The following ANKRD52 variants were observed in gnomAD, a reference collection of about 807,000 sequenced individuals.
ANKRD52 encodes the protein ankyrin repeat domain 52.
Under a neutral mutation model 116.0 loss-of-function variants are expected in ANKRD52, and 7 were observed. The observed-to-expected ratio is 0.06, with a 90% CI of 0.03 to 0.11. ANKRD52 has a LOEUF of 0.11. Among genes scored for constraint, ANKRD52 ranks in the 10% least tolerant of loss-of-function variants. The probability of loss-of-function intolerance (pLI) is 1.00; values close to 1 mark genes in which losing one functional copy is unlikely to be tolerated. For missense variants in ANKRD52, 839 were observed against 1,408.6 expected, an observed-to-expected ratio of 0.60 and a Z score of 6.47; for synonymous variants, 528 against 578.1, an observed-to-expected ratio of 0.91 and a Z score of 1.24.
chr12:56,243,709 G>T lies in ANKRD52; in HGVS notation c.2980+76C>A. On this transcript the variant is annotated intron_variant, in intron 27 of 27. Coordinates refer to ENST00000267116, the MANE Select transcript of ANKRD52 (RefSeq NM_173595.4). The surrounding 1 kb of genome is among the most constrained non-coding windows in gnomAD (Gnocchi z 4.6). ...GGGAAGAAAATCCCATGTATAGCAA[G>T]ATTAAGAAGTCACCTCCTGAAGAAT... is the stretch of plus-strand genomic sequence containing the variant. The T allele has an allele frequency of 7.1e-7, 1 of 1,416,234 alleles. No individual in the cohort carries two copies. Among genetic ancestry groups the T allele is most frequent in the Non-Finnish European group, 9.7e-7 (1 of 1,029,502 alleles). The allele number at this position is 1,416,234 out of a possible 1,614,324, so 87.7% of individuals were successfully genotyped here. A position where few individuals can be genotyped will look rare whatever the true frequency, so the allele number is the denominator to read the frequency against.
chr12:56,255,728 T>C lies in ANKRD52; in HGVS notation c.462+56A>G. On this transcript the variant is annotated intron_variant, in intron 5 of 27. Coordinates refer to ENST00000267116, the MANE Select transcript of ANKRD52 (RefSeq NM_173595.4). This position sits in a 1 kb window ranked among gnomAD's most constrained non-coding sequence, Gnocchi z 4.3. ...GGGCCCAGAAGCAGGGAAACGTGAG[T>C]AGGAAGGTAAGAAAAGGGAAAGCCC... is the stretch of plus-strand genomic sequence containing the variant. 1 of 1,489,308 alleles carries C rather than the reference T, an allele frequency of 6.7e-7. No homozygotes were observed. The highest frequency in any genetic ancestry group is 9.1e-7 in the Non-Finnish European group (1 of 1,098,044). The allele number at this position is 1,489,308 out of a possible 1,614,324, so 92.3% of individuals were successfully genotyped here. A position where few individuals can be genotyped will look rare whatever the true frequency, so the allele number is the denominator to read the frequency against.
intron 4 of ANKRD52, 113 bp from the exon 5 acceptor site, chr12:56,256,097 CTCT>C: frequency 9.1e-7 from 1 of 1,099,376 alleles, no homozygotes. Context: ...AGCACAGAAT[CTCT>C]TCTCATTTTT....
At chr12:56,250,734 T>TA (rs60547094) in intron 15 of ANKRD52, among the ~76,000 whole-genome samples, 6,438 of 119,984 alleles carry the variant, frequency 0.054, 189 homozygotes, top group Non-Finnish European at 0.079. Flanking sequence ...ATAAATTAAT[T>TA]AAAAAAAAAA....
In ANKRD52 at chr12:56,242,737, G is replaced by A. The variant is rs952237886; in HGVS notation, c.*405C>T. ...CGGCCGAGCAGGGAGGCAGTGATGG[G>A]TATGGAAGAAGAGGGGATCTGCCTG... On this transcript the variant is annotated 3_prime_UTR_variant, in exon 28 of 28. Coordinates refer to ENST00000267116, the MANE Select transcript of ANKRD52 (RefSeq NM_173595.4). The surrounding 1 kb of genome is among the most constrained non-coding windows in gnomAD (Gnocchi z 4.3). 13 of 213,694 alleles carry A rather than the reference G, an allele frequency of 6.1e-5. No individual in the cohort carries two copies. Among genetic ancestry groups the A allele is most frequent in the African/African-American group, 3.0e-4 (13 of 43,814 alleles). 13.2% of individuals were successfully genotyped at this position (213,694 alleles called of 1,614,324 possible).
chr12:56,242,787 G>T lies in ANKRD52; in HGVS notation c.*355C>A. The T allele has an allele frequency of 7.3e-6, 2 of 272,616 alleles. No individual in the cohort carries two copies. Among genetic ancestry groups the T allele is most frequent in the Non-Finnish European group, 1.4e-5 (2 of 142,758 alleles). The allele number at this position is 272,616 out of a possible 1,614,324, so 16.9% of individuals were successfully genotyped here. A position where few individuals can be genotyped will look rare whatever the true frequency, so the allele number is the denominator to read the frequency against. On this transcript the variant is annotated 3_prime_UTR_variant, in exon 28 of 28. Coordinates refer to ENST00000267116, the MANE Select transcript of ANKRD52 (RefSeq NM_173595.4). The surrounding 1 kb of genome is among the most constrained non-coding windows in gnomAD (Gnocchi z 4.3). ...GGCAGTAGGGGCAGGGGAGAAGGGGGACACAGAGAGGAGTCCCCAGGGAAG... is the reference window on the plus strand; with the variant it reads ...GGCAGTAGGGGCAGGGGAGAAGGGGTACACAGAGAGGAGTCCCCAGGGAAG...
chr12:56,258,177 C>T, intron 1 of ANKRD52, 66 bp downstream of exon 1: 1 of 1,568,686 alleles, frequency 6.4e-7, no homozygotes, highest in Admixed American at 1.9e-5. Flanking sequence ...CCGCACATCC[C>T]CGGGCTCGCG....
chr12:56,256,264 C>T (rs1871947735), intron 4 of ANKRD52, among the ~76,000 whole-genome samples: 3 of 152,218 alleles, frequency 2.0e-5, no homozygotes, highest in Non-Finnish European at 2.9e-5. Context: ...TTCACTCACA[C>T]ATACATCCAT....
In ANKRD52 at chr12:56,254,308, G is replaced by C. The variant is rs762115336; in HGVS notation, c.694-29C>G. ...GATATTCAGGGGTGAGAGTAAGGTGGTATCAGTTTAAACAAAGTAGAAGCC... is the reference window on the plus strand; with the variant it reads ...GATATTCAGGGGTGAGAGTAAGGTGCTATCAGTTTAAACAAAGTAGAAGCC... On this transcript the variant is annotated intron_variant, in intron 7 of 27. Coordinates refer to ENST00000267116, the MANE Select transcript of ANKRD52 (RefSeq NM_173595.4). The surrounding 1 kb of genome is among the most constrained non-coding windows in gnomAD (Gnocchi z 4.6). The C allele has an allele frequency of 1.9e-6, 3 of 1,603,700 alleles. No homozygotes were observed. In the South Asian group the frequency reaches 3.3e-5, roughly 18 times the overall value.
intron 20 of ANKRD52, 91 bp downstream of exon 20, chr12:56,247,402 T>A: frequency 4.1e-6 from 4 of 972,378 alleles, no homozygotes; most frequent in Non-Finnish European, 6.1e-6. Context: ...CTGGCTTGCC[T>A]CCTAGACAAT....
In ANKRD52 at chr12:56,254,986, C is replaced by A; in HGVS notation, c.463-34G>T. ...GGATATGAAAGACACCTGTTCAGAG[C>A]TAGATTCGTGCCCTCAACCTACCTA... On this transcript the variant is annotated intron_variant, in intron 5 of 27. Transcript: ENST00000267116. The surrounding 1 kb of genome is among the most constrained non-coding windows in gnomAD (Gnocchi z 4.6). 1 of 1,591,674 alleles carries A rather than the reference C, an allele frequency of 6.3e-7. No homozygotes were observed. Among genetic ancestry groups the A allele is most frequent in the Non-Finnish European group, 8.6e-7 (1 of 1,160,992 alleles).
Position 56,253,343 on chromosome 12 carries a change from A to G in ANKRD52, c.1045T>C (p.Tyr349His). Residue 349 changes from tyrosine to histidine, a missense_variant, in exon 10 of 28, where the codon TAT (tyrosine) becomes CAT (histidine). By Grantham distance (83) the Tyr-to-His change is moderately conservative. Transcript: ENST00000267116. The surrounding 1 kb of genome is among the most constrained non-coding windows in gnomAD (Gnocchi z 5.5). ...GNTPLHVAAR[Y>H]GHELLISTLM... is the part of the protein sequence containing the mutation. ...GTGCTGATGAGCAGCTCGTGTCCAT[A>G]TCGAGCAGCCACATGCAGTGGCGTG... is the stretch of plus-strand genomic sequence containing the variant. The G allele has an allele frequency of 6.2e-7, 1 of 1,613,990 alleles. No individual in the cohort carries two copies. Among genetic ancestry groups the G allele is most frequent in the Non-Finnish European group, 8.5e-7 (1 of 1,179,868 alleles).
At position 56,238,077 on chromosome 12, in the gene ANKRD52, T is replaced by C. The variant is rs1226135718; in HGVS notation, c.*5065A>G. On this transcript the variant is annotated 3_prime_UTR_variant, in exon 28 of 28. Transcript: ENST00000267116. ...TCGGCACCCTGGGGATGCAGGCATC[T>C]GGGCACATCTGCCCCTTATTGCTGC... The C allele has an allele frequency of 4.1e-6, 1 of 241,664 alleles. No homozygotes were observed. Among genetic ancestry groups the C allele is most frequent in the Non-Finnish European group, 8.0e-6 (1 of 125,258 alleles). The allele number at this position is 241,664 out of a possible 1,614,324, so 15.0% of individuals were successfully genotyped here. A position where few individuals can be genotyped will look rare whatever the true frequency, so the allele number is the denominator to read the frequency against.
intron 20 of ANKRD52, among the ~76,000 whole-genome samples, chr12:56,246,600 G>A (rs1290117986): frequency 6.6e-6 from 1 of 152,060 alleles, no homozygotes. Flanking sequence ...AGTCTGGGTG[G>A]TGAGCACTCA....
At position 56,258,304 on chromosome 12, in the gene ANKRD52, G is replaced by A. The variant is rs750389459; in HGVS notation, c.-35C>T. The A allele has an allele frequency of 9.5e-6, 14 of 1,469,684 alleles. No homozygotes were observed. The highest frequency in any genetic ancestry group is 1.3e-5 in the Non-Finnish European group (14 of 1,104,774). 91.0% of individuals were successfully genotyped at this position (1,469,684 alleles called of 1,614,324 possible). A position where few individuals can be genotyped will look rare whatever the true frequency, so the allele number is the denominator to read the frequency against. ...CGGGCTCCGTCCGCATCGAGCTCCC[G>A]GCGGCGGCGGCGGCGGCTCCACCGG... is the stretch of plus-strand genomic sequence containing the variant. On this transcript the variant is annotated 5_prime_UTR_variant, in exon 1 of 28. Coordinates refer to ENST00000267116, the MANE Select transcript of ANKRD52 (RefSeq NM_173595.4).
chr12:56,252,908 A>G lies in ANKRD52; in HGVS notation c.1184-11T>C, dbSNP rs781714521. The G allele has an allele frequency of 6.2e-7, 1 of 1,612,770 alleles. No individual in the cohort carries two copies. The highest frequency in any genetic ancestry group is 1.1e-5 in the South Asian group (1 of 90,854). On this transcript the variant is annotated splice_polypyrimidine_tract_variant and intron_variant, in intron 11 of 27. Coordinates refer to ENST00000267116, the MANE Select transcript of ANKRD52 (RefSeq NM_173595.4). The surrounding 1 kb of genome is among the most constrained non-coding windows in gnomAD (Gnocchi z 4.7). ...TGCTGTACAACTGACCTGGAGGCACAGAACAGCCACAGGTCACATCTGAGA... is the reference window on the plus strand; with the variant it reads ...TGCTGTACAACTGACCTGGAGGCACGGAACAGCCACAGGTCACATCTGAGA...
rs751883251 is a variant in ANKRD52 at position 56,245,599 on chromosome 12, G to A, written c.2185-3C>T. 16 of 1,604,260 alleles carry A rather than the reference G, an allele frequency of 1.0e-5. No individual in the cohort carries two copies. In the East Asian group the frequency reaches 3.1e-4, roughly 31 times the overall value. On this transcript the variant is annotated splice_polypyrimidine_tract_variant and splice_region_variant and intron_variant, in intron 20 of 27. Transcript: ENST00000267116. ...CAGTCCTCACAGCCAGTCACTGCCT[G>A]TGAGTAACATGGGGGTGTGAGGGGG...
Position 56,253,681 on chromosome 12 carries a change from G to A in ANKRD52, c.985+41C>T, listed in dbSNP as rs762635366. 27 of 1,590,124 alleles carry A rather than the reference G, an allele frequency of 1.7e-5. No homozygotes were observed. The highest frequency in any genetic ancestry group is 2.2e-5 in the East Asian group (1 of 44,748). ...TAGATTCTAGAAATGAGTTCCTTGG[G>A]GGAGGAGGGGATGAGAGCACAAAGT... On this transcript the variant is annotated intron_variant, in intron 9 of 27. Transcript: ENST00000267116. This position sits in a 1 kb window ranked among gnomAD's most constrained non-coding sequence, Gnocchi z 5.5.
Position 56,242,538 on chromosome 12 carries a change from T to C in ANKRD52, c.*604A>G, listed in dbSNP as rs1871210380. 1.5e-5 allele frequency: 3 copies of C among 206,118 alleles called. No homozygotes were observed. Among genetic ancestry groups the C allele is most frequent in the African/African-American group, 2.3e-5 (1 of 43,558 alleles). 12.8% of individuals were successfully genotyped at this position (206,118 alleles called of 1,614,324 possible). A position where few individuals can be genotyped will look rare whatever the true frequency, so the allele number is the denominator to read the frequency against. ...TAGTTGCTGCTTCAAGTGTTTTGCA[T>C]TTGAACTTTAGGGGTGATAGGGTAC... On this transcript the variant is annotated 3_prime_UTR_variant, in exon 28 of 28. Transcript: ENST00000267116. The surrounding 1 kb of genome is among the most constrained non-coding windows in gnomAD (Gnocchi z 4.3).
Position 56,254,308 on chromosome 12 carries a change from G to T in ANKRD52, c.694-29C>A. On this transcript the variant is annotated intron_variant, in intron 7 of 27. Transcript: ENST00000267116. This position sits in a 1 kb window ranked among gnomAD's most constrained non-coding sequence, Gnocchi z 4.6. ...GATATTCAGGGGTGAGAGTAAGGTG[G>T]TATCAGTTTAAACAAAGTAGAAGCC... 6.2e-7 allele frequency: 1 copy of T among 1,603,696 alleles called. No individual in the cohort carries two copies. The highest frequency in any genetic ancestry group is 8.5e-7 in the Non-Finnish European group (1 of 1,173,248).
Sources: allele counts gnomAD v4.1 joint callset (sites outside exome capture counted in the v4.1 genomes callset), GRCh38; gene constraint gnomAD v4.1.1; non-coding constraint Gnocchi (gnomAD v3.1); transcripts MANE v1.5; gene names NCBI Gene and HGNC (gene_info 2026-07-23, HGNC 2026-07-21).